Variants in MYOM1 observed in about 807,000 individuals in gnomAD.
The protein encoded by MYOM1 is myomesin 1.
Under a neutral mutation model 205.3 loss-of-function variants are expected in MYOM1, and 164 were observed. The observed-to-expected ratio is 0.80, with a 90% CI of 0.70 to 0.91. The LOEUF (loss-of-function observed/expected upper bound fraction) is 0.91, where lower values mean the gene tolerates loss of function less well. MYOM1 is among the 40% of genes least tolerant of loss of function. The pLI, the probability that MYOM1 is intolerant of heterozygous loss-of-function variation, is 0.00. For missense variants in MYOM1, 2,011 were observed against 2,127.3 expected (o/e 0.95, Z 1.08); for synonymous variants, 772 against 789.4 (o/e 0.98, Z 0.37).
At position 3,173,977 on chromosome 18, in the gene MYOM1, T is replaced by C. The variant is rs2080597497; in HGVS notation, c.1135A>G (p.Thr379Ala). Residue 379 changes from threonine (T) to alanine (A), a missense_variant, in exon 8 of 38, where the codon ACT becomes GCT. Physicochemically the swap from Thr to Ala is moderately conservative, Grantham distance 58. Coordinates refer to ENST00000356443, the MANE Select transcript of MYOM1 (RefSeq NM_003803.4). Reference protein sequence around the residue: ...VKRYKGEFDETRFHAGASTMP... With the variant: ...VKRYKGEFDEARFHAGASTMP... ...GTGGAAGCCCCAGCGTGGAAGCGAG[T>C]CTCATCAAACTCTCCCTTATACCCT... 6.2e-7 allele frequency: 1 copy of C among 1,613,160 alleles called. No individual in the cohort carries two copies. The highest frequency in any genetic ancestry group is 1.1e-5 in the South Asian group (1 of 91,062).
intron 22 of MYOM1, among the ~76,000 whole-genome samples, chr18:3,108,701 C>T (rs1325518268): frequency 6.6e-6 from 1 of 152,074 alleles, no homozygotes; most frequent in Non-Finnish European, 1.5e-5. Context: ...CCACCACACC[C>T]AGCTAATTTT....
chr18:3,238,171 G>A, the MYOM1 span, among the ~76,000 whole-genome samples: 1 of 152,178 alleles, frequency 6.6e-6, no homozygotes, highest in Non-Finnish European at 1.5e-5. Flanking sequence ...GGTGATGGGA[G>A]ACAGTGACAG....
At chr18:3,087,815 T>TTTA (rs2079172252) in intron 29 of MYOM1, among the ~76,000 whole-genome samples, 2 of 151,964 alleles carry the variant, frequency 1.3e-5, no homozygotes, top group Non-Finnish European at 2.9e-5. Context: ...TTATTTATTT[T>TTTA]TTTTTTTGAG....
chr18:3,178,582 C>T (rs1051966763), intron 5 of MYOM1, among the ~76,000 whole-genome samples: 2 of 152,198 alleles, frequency 1.3e-5, no homozygotes, highest in African/African-American at 4.8e-5. Flanking sequence ...CATACACATA[C>T]ACCCCTCCGT....
At chr18:3,082,991 T>C (rs1483353106) in intron 33 of MYOM1, among the ~76,000 whole-genome samples, 2 of 152,160 alleles carry the variant, frequency 1.3e-5, no homozygotes, top group Admixed American at 1.3e-4. Context: ...ATTCATATCA[T>C]GGGAAATTTG....
At chr18:3,241,155 G>A in the MYOM1 span, among the ~76,000 whole-genome samples, 1,687 of 152,298 alleles carry the variant, frequency 0.011, 37 homozygotes, top group African/African-American at 0.035. Flanking sequence ...AATTTAAGCC[G>A]GTTGCAGAAA....
chr18:3,176,647 G>A lies in MYOM1; in HGVS notation c.930-513C>T, dbSNP rs191587821. 3.9e-5 allele frequency among the ~76,000 whole-genome samples: 6 copies of A among 152,230 alleles called. No homozygotes were observed. In the East Asian group the frequency reaches 9.6e-4, roughly 24 times the overall value. Reference sequence around the variant, plus strand: ...AAAAGTGTGCAGTCTTTGGGAAGCCGAGGCGGGCAAATCACTTGAGGTCAG... The same window carrying A: ...AAAAGTGTGCAGTCTTTGGGAAGCCAAGGCGGGCAAATCACTTGAGGTCAG... On this transcript the variant is annotated intron_variant, in intron 5 of 37. Transcript: ENST00000356443.
At chr18:3,076,504 T>C (rs555994476) in intron 34 of MYOM1, among the ~76,000 whole-genome samples, 2 of 152,284 alleles carry the variant, frequency 1.3e-5, no homozygotes, top group South Asian at 4.1e-4. Flanking sequence ...ACTCTCTTTC[T>C]GTTATGCTGT....
intron 20 of MYOM1, among the ~76,000 whole-genome samples, chr18:3,118,706 T>C (rs1376761333): frequency 6.6e-6 from 1 of 152,144 alleles, no homozygotes; most frequent in African/African-American, 2.4e-5. Context: ...GTCGATTGCA[T>C]TTCACTTTAC....
chr18:3,180,725 GTATAC>G (rs1415914161), intron 5 of MYOM1, among the ~76,000 whole-genome samples: 2 of 152,076 alleles, frequency 1.3e-5, no homozygotes, highest in South Asian at 2.1e-4. Context: ...TGAGCTTTCA[GTATAC>G]TATAAGTTTT....
chr18:3,221,565 C>T (rs888240863), upstream of MYOM1, among the ~76,000 whole-genome samples: 3 of 152,324 alleles, frequency 2.0e-5, no homozygotes, highest in South Asian at 2.1e-4. Flanking sequence ...ATGACAGAAA[C>T]GCAACTTCAT....
chr18:3,195,147 A>G (rs924905789), intron 2 of MYOM1, among the ~76,000 whole-genome samples: 1 of 152,208 alleles, frequency 6.6e-6, no homozygotes, highest in African/African-American at 2.4e-5. Context: ...TACAAAATGG[A>G]TATATGACGA....
At chr18:3,117,226 A>C (rs2079619204) in intron 20 of MYOM1, among the ~76,000 whole-genome samples, 1 of 152,212 alleles carries the variant, frequency 6.6e-6, no homozygotes, top group African/African-American at 2.4e-5. Context: ...TAAAGAAAGC[A>C]GCTCTATTTG....
chr18:3,143,440 GAAATGATAA>G (rs1395414925), intron 13 of MYOM1, among the ~76,000 whole-genome samples: 2 of 152,148 alleles, frequency 1.3e-5, no homozygotes, highest in African/African-American at 4.8e-5. Context: ...AAAAGCAATG[GAAATGATAA>G]AAATGTGAGT....
chr18:3,176,192 A>C, intron 5 of MYOM1, 58 bp from the exon 6 acceptor site: 1 of 957,874 alleles, frequency 1.0e-6, no homozygotes, highest in Admixed American at 1.8e-5. Flanking sequence ...TTCATGATTA[A>C]ACACACACAC....
At position 3,067,433 on chromosome 18, in the gene MYOM1, C is replaced by G. The variant is rs567254536; in HGVS notation, c.4887G>C (p.Ala1629=). ...CNLKFEAGRT[A]YFTINGVSTA... ...TGCTCACGCCGTTGATGGTGAAGTA[C>G]GCGGTCCTCCCAGCCTCGAACTTGA... The change falls in exon 38 of 38, where the codon GCG becomes GCC. Residue 1629 remains alanine, a synonymous_variant. Transcript: ENST00000356443. 3.1e-6 allele frequency: 5 copies of G among 1,613,580 alleles called. No individual in the cohort carries two copies. Among genetic ancestry groups the G allele is most frequent in the Non-Finnish European group, 4.2e-6 (5 of 1,179,912 alleles).
At chr18:3,173,412 C>A (rs1019099771) in intron 8 of MYOM1, among the ~76,000 whole-genome samples, 1 of 152,274 alleles carries the variant, frequency 6.6e-6, no homozygotes, top group East Asian at 1.9e-4. Context: ...TGTACAGCCT[C>A]ACTGACGCTC....
In MYOM1 at chr18:3,215,250, A is replaced by G. The variant is rs1229001339; in HGVS notation, c.-27T>C. 6.4e-7 allele frequency: 1 copy of G among 1,573,388 alleles called. No individual in the cohort carries two copies. Among genetic ancestry groups the G allele is most frequent in the Admixed American group, 1.8e-5 (1 of 54,188 alleles). On this transcript the variant is annotated splice_region_variant and 5_prime_UTR_variant, in exon 2 of 38. Transcript: ENST00000356443. ...CTGTGCCCCTTGAAGGAACCGGGCC[A>G]CCTGAAGGAAAACAACACTTTTTGA... is the stretch of plus-strand genomic sequence containing the variant.
intron 2 of MYOM1, 43 bp from the exon 3 acceptor site, chr18:3,194,001 A>G: frequency 6.3e-7 from 1 of 1,596,764 alleles, no homozygotes; most frequent in Non-Finnish European, 8.5e-7. Context: ...AAAAAAAGGC[A>G]TTTACAATAT....
Sources: allele counts gnomAD v4.1 joint callset (sites outside exome capture counted in the v4.1 genomes callset), GRCh38; gene constraint gnomAD v4.1.1; transcripts MANE v1.5; gene names NCBI Gene and HGNC (gene_info 2026-07-23, HGNC 2026-07-21).